SLC35C1: variants seen among roughly 807,000 people sequenced by gnomAD.
SLC35C1 encodes GDP-fucose transporter 1.
SLC35C1 carries 8 observed loss-of-function variants against 23.2 expected under a neutral mutation model. The observed-to-expected ratio is 0.35, with a 90% CI of 0.20 to 0.62. The LOEUF (loss-of-function observed/expected upper bound fraction) is 0.62, where lower values mean the gene tolerates loss of function less well. Ranked by LOEUF, SLC35C1 falls within the 20% of genes least tolerant of loss-of-function variation. The pLI, the probability that SLC35C1 is intolerant of heterozygous loss-of-function variation, is 0.75. For missense variants in SLC35C1, 422 were observed against 478.6 expected, an observed-to-expected ratio of 0.88 and a Z score of 1.10; for synonymous variants, 226 against 225.1, an observed-to-expected ratio of 1.00 and a Z score of -0.04.
chr11:45,806,169 T>G lies in SLC35C1; in HGVS notation c.368T>G (p.Val123Gly). ...CGCAGCGTCCTGCCCCTGTCGGTGG[T>G]CTTCATCGGCATGATCACCTTCAAT... ...VARSVLPLSV[V>G]FIGMITFNNL... The change falls in exon 1 of 2, where the codon GTC becomes GGC. Residue 123 changes from valine (V) to glycine (G), a missense_variant. Coordinates refer to ENST00000314134, the MANE Select transcript of SLC35C1 (RefSeq NM_018389.5). The G allele has an allele frequency of 6.2e-7, 1 of 1,605,812 alleles. No individual in the cohort carries two copies. Among genetic ancestry groups the G allele is most frequent in the Non-Finnish European group, 8.5e-7 (1 of 1,179,980 alleles).
chr11:45,812,456 A>G lies in SLC35C1; in HGVS notation c.*1121A>G, dbSNP rs547047127. 25 of 431,032 alleles carry G rather than the reference A, an allele frequency of 5.8e-5. No homozygotes were observed. The highest frequency in any genetic ancestry group is 5.1e-4 in the African/African-American group (25 of 49,474). The allele number at this position is 431,032 out of a possible 1,614,324, so 26.7% of individuals were successfully genotyped here. A position where few individuals can be genotyped will look rare whatever the true frequency, so the allele number is the denominator to read the frequency against. ...GTAGGCCGGGTGGCTTACAAACAAC[A>G]GAAACGTATTGCTCACAGTCCTGGG... On this transcript the variant is annotated 3_prime_UTR_variant, in exon 2 of 2. Coordinates refer to ENST00000314134, the MANE Select transcript of SLC35C1 (RefSeq NM_018389.5).
At chr11:45,806,357 C>G (rs1565041371) in intron 1 of SLC35C1, 21 bp downstream of exon 1, 5 of 1,610,498 alleles carry the variant, frequency 3.1e-6, no homozygotes, top group Non-Finnish European at 4.2e-6. Flanking sequence ...GCTGGGGCCA[C>G]GGGGGATAGA....
At position 45,808,318 on chromosome 11, in the gene SLC35C1, G is replaced by A. The variant is rs370888194; in HGVS notation, c.535+1982G>A. Reference sequence around the variant, plus strand: ...AGTTCGAGACCAGCCTGGCCAACATGGTGAAACCCTGTCTCTACTAAAAAT... The same window carrying A: ...AGTTCGAGACCAGCCTGGCCAACATAGTGAAACCCTGTCTCTACTAAAAAT... On this transcript the variant is annotated intron_variant, in intron 1 of 1. Transcript: ENST00000314134. Among the ~76,000 whole-genome samples the A allele has an allele frequency of 3.3e-5, 5 of 152,118 alleles. No homozygotes were observed. In the East Asian group the frequency reaches 9.7e-4, roughly 30 times the overall value.
chr11:45,810,489 G>A (rs1177598870), intron 1 of SLC35C1: 1 of 985,280 alleles, frequency 1.0e-6, no homozygotes, highest in African/African-American at 1.7e-5. Context: ...TCTTACAATT[G>A]TAATTAAAGA....
At chr11:45,806,392 A>T (rs1477446410) in intron 1 of SLC35C1, 56 bp downstream of exon 1, 2 of 1,592,132 alleles carry the variant, frequency 1.3e-6, no homozygotes, top group Non-Finnish European at 1.7e-6. Context: ...TGAAGCAGTG[A>T]AGAACAACTC....
At position 45,811,348 on chromosome 11, in the gene SLC35C1, C is replaced by A. The variant is rs751287173; in HGVS notation, c.*13C>A. 2.0e-6 allele frequency: 3 copies of A among 1,486,826 alleles called. No individual in the cohort carries two copies. The South Asian group carries it at 4.1e-5, about 20-fold the overall frequency. The allele number at this position is 1,486,826 out of a possible 1,614,324, so 92.1% of individuals were successfully genotyped here. A position where few individuals can be genotyped will look rare whatever the true frequency, so the allele number is the denominator to read the frequency against. ...CATGGGGGTGTGAGCACCACAGGCACCCTGGATGGCCCGGCCCCGGGGCCC... is the reference window on the plus strand; with the variant it reads ...CATGGGGGTGTGAGCACCACAGGCAACCTGGATGGCCCGGCCCCGGGGCCC... On this transcript the variant is annotated 3_prime_UTR_variant, in exon 2 of 2. Transcript: ENST00000314134.
rs758631564 is a variant in SLC35C1, at chr11:45,812,658, T to C, written c.*1323T>C. 14 of 455,880 alleles carry C rather than the reference T, an allele frequency of 3.1e-5. No homozygotes were observed. Among genetic ancestry groups the C allele is most frequent in the Non-Finnish European group, 5.7e-5 (13 of 226,766 alleles). 28.2% of individuals were successfully genotyped at this position (455,880 alleles called of 1,614,324 possible). On this transcript the variant is annotated 3_prime_UTR_variant, in exon 2 of 2. Coordinates refer to ENST00000314134, the MANE Select transcript of SLC35C1 (RefSeq NM_018389.5). ...CCTGTTCATGAGGGTTCCGCCCCCATGACCCAATCAGCTCCAAAGGCCCCA... is the reference window on the plus strand; with the variant it reads ...CCTGTTCATGAGGGTTCCGCCCCCACGACCCAATCAGCTCCAAAGGCCCCA...
chr11:45,805,031 C>T (rs915661286), upstream of SLC35C1: 6 of 985,654 alleles, frequency 6.1e-6, no homozygotes, highest in African/African-American at 8.7e-5. Context: ...TGGGGACTGG[C>T]GAACTCCGCC....
intron 1 of SLC35C1, among the ~76,000 whole-genome samples, chr11:45,808,251 G>A (rs781347586): frequency 6.6e-5 from 10 of 152,310 alleles, no homozygotes; most frequent in Non-Finnish European, 7.3e-5. Context: ...TGTAATCCCA[G>A]CACTTTGGGA....
At chr11:45,808,333 C>G (rs1022514922) in intron 1 of SLC35C1, among the ~76,000 whole-genome samples, 13 of 151,990 alleles carry the variant, frequency 8.6e-5, no homozygotes, top group Admixed American at 7.2e-4. Context: ...AACCCTGTCT[C>G]TACTAAAAAT....
intron 1 of SLC35C1, 30 bp from the exon 2 acceptor site, chr11:45,810,746 C>T: frequency 6.2e-7 from 1 of 1,602,030 alleles, no homozygotes; most frequent in Non-Finnish European, 8.5e-7. Flanking sequence ...TCTTCCTCAC[C>T]CTTCCCCACT....
rs2134590069 is a variant in SLC35C1 at position 45,806,018 on chromosome 11, C to T, written c.217C>T (p.Pro73Ser). 6.2e-7 allele frequency: 1 copy of T among 1,614,028 alleles called. No homozygotes were observed. Among genetic ancestry groups the T allele is most frequent in the Non-Finnish European group, 8.5e-7 (1 of 1,180,028 alleles). Reference protein sequence around the residue: ...LDSPSLRLDTPIFVTFYQCLV... With the variant: ...LDSPSLRLDTSIFVTFYQCLV... ...CAGCCCCTCCCTGCGGCTGGACACCCCCATCTTCGTCACCTTCTACCAGTG... is the reference window on the plus strand; with the variant it reads ...CAGCCCCTCCCTGCGGCTGGACACCTCCATCTTCGTCACCTTCTACCAGTG... The change falls in exon 1 of 2, where the codon CCC becomes TCC. Residue 73 changes from proline (P) to serine (S), a missense_variant. Pro to Ser is a moderately conservative substitution (Grantham distance 74, BLOSUM62 -1). Transcript: ENST00000314134.
rs138126275 is a variant in SLC35C1, at chr11:45,810,891, G to A, written c.651G>A (p.Thr217=). The stretch of plus-strand genomic sequence containing the variant: ...TCTCGCTCAACGCCATCTACACCAC[G>A]AAGGTGCTCCCGGCGGTGGACGGCA... ...LCVSLNAIYT[T]KVLPAVDGSI... Residue 217 remains threonine, a synonymous_variant, in exon 2 of 2, where the codon ACG becomes ACA. Coordinates refer to ENST00000314134, the MANE Select transcript of SLC35C1 (RefSeq NM_018389.5). 9.9e-6 allele frequency: 16 copies of A among 1,612,146 alleles called. No individual in the cohort carries two copies. The highest frequency in any genetic ancestry group is 3.3e-5 in the Admixed American group (2 of 60,014).
In SLC35C1 at chr11:45,806,269, G is replaced by T; in HGVS notation, c.468G>T (p.Leu156=). Residue 156 remains leucine (L), a synonymous_variant, in exon 1 of 2, where the codon CTG becomes CTT. Coordinates refer to ENST00000314134, the MANE Select transcript of SLC35C1 (RefSeq NM_018389.5). The stretch of plus-strand genomic sequence containing the variant: ...CACTCACCACCGTCTTCAACGTGCT[G>T]CTCTCCTACCTGCTGCTCAAGCAGA... ...GRSLTTVFNV[L]LSYLLLKQTT... 3.7e-6 allele frequency: 6 copies of T among 1,611,556 alleles called. No homozygotes were observed. The highest frequency in any genetic ancestry group is 5.1e-6 in the Non-Finnish European group (6 of 1,180,012).
chr11:45,806,329 C>T lies in SLC35C1; in HGVS notation c.528C>T (p.Ile176=), dbSNP rs1215444726. Residue 176 remains isoleucine (I), a synonymous_variant, in exon 1 of 2, where the codon ATC becomes ATT. Transcript: ENST00000314134. ...TCTATGCCCTGCTCACCTGCGGTAT[C>T]ATCATCGGTGAGTGGCAGCTGGGGC... ...TSFYALLTCG[I]IIGGFWLGVD... 1.2e-6 allele frequency: 2 copies of T among 1,612,600 alleles called. No individual in the cohort carries two copies. Among genetic ancestry groups the T allele is most frequent in the African/African-American group, 1.3e-5 (1 of 74,918 alleles).
chr11:45,806,139 T>A lies in SLC35C1; in HGVS notation c.338T>A (p.Val113Glu), dbSNP rs2085871599. The change falls in exon 1 of 2, where the codon GTG becomes GAG. Residue 113 changes from valine (V) to glutamate (E), a missense_variant. By Grantham distance (121) the Val-to-Glu change is moderately radical. Coordinates refer to ENST00000314134, the MANE Select transcript of SLC35C1 (RefSeq NM_018389.5). The part of the protein sequence containing the change: ...DFPSLRLDLR[V>E]ARSVLPLSVV... ...CCCAGCTTGCGCCTGGACCTCAGGG[T>A]GGCCCGCAGCGTCCTGCCCCTGTCG... 1 of 1,607,408 alleles carries A rather than the reference T, an allele frequency of 6.2e-7. No individual in the cohort carries two copies.
In SLC35C1 at chr11:45,812,411, A is replaced by G; in HGVS notation, c.*1076A>G. On this transcript the variant is annotated 3_prime_UTR_variant, in exon 2 of 2. Transcript: ENST00000314134. ...GCTTGGCCCCACTGTTAGTCCAGCGAGCTCCTATATCAAAATGCCGTAGGC... is the reference window on the plus strand; with the variant it reads ...GCTTGGCCCCACTGTTAGTCCAGCGGGCTCCTATATCAAAATGCCGTAGGC... 2.6e-6 allele frequency: 1 copy of G among 383,158 alleles called. No homozygotes were observed. Among genetic ancestry groups the G allele is most frequent in the Admixed American group, 3.0e-5 (1 of 32,886 alleles). 23.7% of individuals were successfully genotyped at this position (383,158 alleles called of 1,614,324 possible).
chr11:45,806,981 C>T (rs2085884781), intron 1 of SLC35C1: 1 of 759,058 alleles, frequency 1.3e-6, no homozygotes, highest in African/African-American at 1.9e-5. Context: ...ACTTGACCCT[C>T]AGAAAATAAT....
At chr11:45,810,542 G>A (rs1414888226) in intron 1 of SLC35C1, 2 of 985,300 alleles carry the variant, frequency 2.0e-6, no homozygotes, top group African/African-American at 3.5e-5. Flanking sequence ...TCCTCTGCTA[G>A]CAGATAAGCT....
Sources: gnomAD v4.1 joint callset for allele counts (sites outside exome capture counted in the v4.1 genomes callset) on GRCh38, gnomAD v4.1.1 for gene constraint, MANE v1.5 for transcripts, NCBI Gene and HGNC (gene_info 2026-07-23, HGNC 2026-07-21) for gene names.